Variants in FAXC observed in about 807,000 individuals in gnomAD.
The protein encoded by FAXC is failed axon connections homolog.
FAXC carries 10 observed loss-of-function variants against 41.9 expected under a neutral mutation model. The ratio of observed to expected loss-of-function variants is 0.24; its 90% CI spans 0.15 to 0.41. The LOEUF is 0.41. Ranked by LOEUF, FAXC falls within the 10% of genes least tolerant of loss-of-function variation. The probability of loss-of-function intolerance (pLI) is 1.00; values close to 1 mark genes in which losing one functional copy is unlikely to be tolerated. For missense variants in FAXC, 399 were observed against 510.9 expected (o/e 0.78, Z 2.11); for synonymous variants, 183 against 183.8 (o/e 1.00, Z 0.03).
At chr6:99,345,816 G>C (rs1278866244) in intron 1 of FAXC, among the ~76,000 whole-genome samples, 1 of 152,212 alleles carries the variant, frequency 6.6e-6, no homozygotes, top group Non-Finnish European at 1.5e-5. Flanking sequence ...AATTTCCAAA[G>C]CCTGATTGAA....
intron 5 of FAXC, 63 bp downstream of exon 5, chr6:99,291,641 G>T: frequency 8.8e-7 from 1 of 1,136,714 alleles, no homozygotes; most frequent in Non-Finnish European, 1.3e-6. Context: ...TCTCCACTGT[G>T]CTACCCCACT....
chr6:99,318,141 C>A (rs1388785565), intron 4 of FAXC, among the ~76,000 whole-genome samples: 1 of 151,950 alleles, frequency 6.6e-6, no homozygotes, highest in East Asian at 1.9e-4. Flanking sequence ...CGCCTTTAGT[C>A]CCAGCTACTC....
intron 4 of FAXC, among the ~76,000 whole-genome samples, chr6:99,316,391 C>A (rs1310446641): frequency 1.3e-5 from 2 of 152,154 alleles, no homozygotes; most frequent in Non-Finnish European, 2.9e-5. Context: ...CCCCCTCCCC[C>A]TGCCTATTTC....
intron 2 of FAXC, among the ~76,000 whole-genome samples, chr6:99,341,759 G>C (rs1163815208): frequency 6.6e-6 from 1 of 152,104 alleles, no homozygotes; most frequent in Non-Finnish European, 1.5e-5. Flanking sequence ...TAGATCTATA[G>C]AGAGCTCTCT....
chr6:99,318,898 C>T (rs1014716410), intron 4 of FAXC, among the ~76,000 whole-genome samples: 2 of 152,214 alleles, frequency 1.3e-5, no homozygotes, highest in African/African-American at 2.4e-5. Context: ...CCTCTAGCCA[C>T]GCTGGTTCCC....
In FAXC at chr6:99,322,711, G is replaced by A. The variant is rs370565142; in HGVS notation, c.823+733C>T. ...CAATATCTGTTTATGAATTGTCATC[G>A]CTATGAATCAAGCTCTGCCCAGTAA... On this transcript the variant is annotated intron_variant, in intron 4 of 5. Transcript: ENST00000389677. 5.9e-5 allele frequency among the ~76,000 whole-genome samples: 9 copies of A among 152,106 alleles called. No homozygotes were observed. The South Asian group carries it at 1.7e-3, about 28-fold the overall frequency.
intron 4 of FAXC, among the ~76,000 whole-genome samples, chr6:99,293,716 G>GTGTC (rs1169917761): frequency 0.013 from 1,853 of 139,090 alleles, 7 homozygotes; most frequent in Middle Eastern, 0.032. Flanking sequence ...GTGTGTGTCT[G>GTGTC]TGTGTGTGTG....
chr6:99,293,344 C>T (rs962448188), intron 4 of FAXC, among the ~76,000 whole-genome samples: 1 of 152,116 alleles, frequency 6.6e-6, no homozygotes, highest in Non-Finnish European at 1.5e-5. Flanking sequence ...TGCTGTGCAC[C>T]CTCTCTCTGC....
At chr6:99,306,116 G>A (rs1250297327) in intron 4 of FAXC, among the ~76,000 whole-genome samples, 1 of 152,092 alleles carries the variant, frequency 6.6e-6, no homozygotes, top group Non-Finnish European at 1.5e-5. Flanking sequence ...AGACATGAAT[G>A]TCAAGCAGGA....
intron 3 of FAXC, among the ~76,000 whole-genome samples, chr6:99,332,305 C>A (rs887022054): frequency 1.3e-5 from 2 of 152,016 alleles, no homozygotes; most frequent in African/African-American, 4.8e-5. Context: ...TATCACTCAG[C>A]GGGAGAGGTT....
intron 3 of FAXC, among the ~76,000 whole-genome samples, chr6:99,328,541 C>G (rs1772905307): frequency 6.6e-6 from 1 of 152,220 alleles, no homozygotes; most frequent in Admixed American, 6.5e-5. Flanking sequence ...TCTGTTATGA[C>G]AGCCCAAACG....
chr6:99,300,189 G>A (rs550709243), intron 4 of FAXC, among the ~76,000 whole-genome samples: 9 of 152,180 alleles, frequency 5.9e-5, no homozygotes, highest in African/African-American at 1.4e-4. Context: ...ATAAATCCCC[G>A]ACTCTAAGCA....
intron 3 of FAXC, 85 bp downstream of exon 3, chr6:99,333,266 T>A: frequency 2.5e-6 from 3 of 1,193,818 alleles, no homozygotes; most frequent in Non-Finnish European, 3.5e-6. Flanking sequence ...AGAAAACTGC[T>A]GAAACGGTGG....
At chr6:99,346,482 G>A (rs1352192387) in intron 1 of FAXC, among the ~76,000 whole-genome samples, 1 of 152,136 alleles carries the variant, frequency 6.6e-6, no homozygotes, top group East Asian at 1.9e-4. Context: ...CGCCTCCTGG[G>A]TTCAAGCGAT....
At chr6:99,334,690 G>T in intron 2 of FAXC, 1 of 591,722 alleles carries the variant, frequency 1.7e-6, no homozygotes, top group Non-Finnish European at 2.1e-6. Flanking sequence ...GTCATTCTCA[G>T]ATGCAATCTA....
rs545465836 is a variant in FAXC, at chr6:99,280,936, G to A, written c.*228C>T. ...TAATGAAAACAAAAATGGATTTCAG[G>A]AACCATGCTGACATTATTTTTTGCC... On this transcript the variant is annotated 3_prime_UTR_variant, in exon 6 of 6. Coordinates refer to ENST00000389677, the MANE Select transcript of FAXC (RefSeq NM_032511.4). 916 of 470,412 alleles carry A rather than the reference G, an allele frequency of 1.9e-3. 8 individuals carry two copies. Among genetic ancestry groups the A allele is most frequent in the Non-Finnish European group, 1.7e-3 (441 of 262,512 alleles). 29.1% of individuals were successfully genotyped at this position (470,412 alleles called of 1,614,324 possible).
chr6:99,307,319 A>G (rs1450242929), intron 4 of FAXC, among the ~76,000 whole-genome samples: 1 of 152,156 alleles, frequency 6.6e-6, no homozygotes, highest in African/African-American at 2.4e-5. Context: ...GTCTTTAAAG[A>G]TACGAGACTT....
chr6:99,314,739 A>C (rs1268787151), intron 4 of FAXC, among the ~76,000 whole-genome samples: 3 of 151,946 alleles, frequency 2.0e-5, no homozygotes, highest in Admixed American at 2.0e-4. Flanking sequence ...GCCTCATGCC[A>C]CTCCTGCTCT....
At chr6:99,337,266 A>AT (rs1344420364) in intron 2 of FAXC, among the ~76,000 whole-genome samples, 1 of 152,052 alleles carries the variant, frequency 6.6e-6, no homozygotes, top group African/African-American at 2.4e-5. Context: ...GAAAAAAAAA[A>AT]AGAGGCAGGA....
Sources: allele counts gnomAD v4.1 joint callset (sites outside exome capture counted in the v4.1 genomes callset), GRCh38; gene constraint gnomAD v4.1.1; transcripts MANE v1.5; gene names NCBI Gene and HGNC (gene_info 2026-07-23, HGNC 2026-07-21).